Variants in CNTNAP2 observed in about 807,000 individuals in gnomAD.
CNTNAP2 encodes contactin associated protein 2.
CNTNAP2 carries 98 observed loss-of-function variants against 155.2 expected under a neutral mutation model. The observed-to-expected ratio is 0.63, with a 90% CI of 0.54 to 0.75. The LOEUF (loss-of-function observed/expected upper bound fraction) is 0.75, where lower values mean the gene tolerates loss of function less well. Ranked by LOEUF, CNTNAP2 falls within the 30% of genes least tolerant of loss-of-function variation. The pLI is 0.00. For synonymous variants in CNTNAP2, 651 were observed against 631.2 expected, an observed-to-expected ratio of 1.03 and a Z score of -0.47; for missense variants, 1,727 against 1,688.1, an observed-to-expected ratio of 1.02 and a Z score of -0.40.
intron 20 of CNTNAP2, among the ~76,000 whole-genome samples, chr7:148,235,326 C>T (rs1255658889): frequency 2.6e-5 from 4 of 152,138 alleles, no homozygotes; most frequent in Non-Finnish European, 4.4e-5. Flanking sequence ...GTGCTAGGTG[C>T]TAGAAGTAGA....
chr7:146,143,481 A>G (rs1797910225), intron 1 of CNTNAP2, among the ~76,000 whole-genome samples: 1 of 152,108 alleles, frequency 6.6e-6, no homozygotes, highest in African/African-American at 2.4e-5. Context: ...AATTATGTCC[A>G]GTCTTCTGAT....
At chr7:147,670,371 A>G (rs1227359840) in intron 13 of CNTNAP2, among the ~76,000 whole-genome samples, 1 of 152,172 alleles carries the variant, frequency 6.6e-6, no homozygotes, top group Non-Finnish European at 1.5e-5. Context: ...TAGGCAGAAA[A>G]GGGTGGATCC....
chr7:147,297,090 T>A (rs1794834846), intron 8 of CNTNAP2, among the ~76,000 whole-genome samples: 1 of 152,148 alleles, frequency 6.6e-6, no homozygotes, highest in Admixed American at 6.6e-5. Context: ...ACAAAAAAAA[T>A]TATATCCACT....
chr7:146,810,299 C>CTTTT (rs58947235), intron 2 of CNTNAP2, among the ~76,000 whole-genome samples: 2 of 93,540 alleles, frequency 2.1e-5, no homozygotes, highest in Non-Finnish European at 5.3e-5. Flanking sequence ...CTCTAGCTTT[C>CTTTT]TTTTTTTTTT....
At chr7:147,254,928 T>C (rs1563135173) in intron 8 of CNTNAP2, among the ~76,000 whole-genome samples, 3 of 152,220 alleles carry the variant, frequency 2.0e-5, no homozygotes, top group Non-Finnish European at 4.4e-5. Flanking sequence ...AGAAATACAA[T>C]TATCTTGCTC....
chr7:147,044,086 G>C (rs767576057), intron 4 of CNTNAP2, 32 bp downstream of exon 4: 4 of 1,612,824 alleles, frequency 2.5e-6, no homozygotes, highest in Non-Finnish European at 2.5e-6. Flanking sequence ...TTTGTGGCAG[G>C]TTTTATCTTT....
At chr7:146,592,595 T>A (rs1196199082) in intron 1 of CNTNAP2, among the ~76,000 whole-genome samples, 2 of 152,192 alleles carry the variant, frequency 1.3e-5, no homozygotes, top group African/African-American at 2.4e-5. Context: ...TCCTACTTTC[T>A]GATAAAGAAA....
chr7:146,886,275 T>TAAAA (rs776073033), intron 3 of CNTNAP2, among the ~76,000 whole-genome samples: 1 of 142,178 alleles, frequency 7.0e-6, no homozygotes, highest in East Asian at 2.0e-4. Flanking sequence ...TCAGTTTTCT[T>TAAAA]AAAAAAAAAA....
chr7:148,140,973 C>T (rs1805054256), intron 16 of CNTNAP2, among the ~76,000 whole-genome samples: 1 of 152,208 alleles, frequency 6.6e-6, no homozygotes, highest in South Asian at 2.1e-4. Context: ...CTAGGACTTA[C>T]TACTAGAAGG....
At chr7:147,280,136 A>G (rs1273167305) in intron 8 of CNTNAP2, among the ~76,000 whole-genome samples, 2 of 151,922 alleles carry the variant, frequency 1.3e-5, no homozygotes, top group African/African-American at 4.8e-5. Context: ...GAGCCAAGAC[A>G]TTACCAGAGT....
At chr7:147,921,011 A>T (rs557235608) in intron 14 of CNTNAP2, among the ~76,000 whole-genome samples, 2 of 151,488 alleles carry the variant, frequency 1.3e-5, no homozygotes, top group African/African-American at 4.9e-5. Flanking sequence ...GGGTTTCACC[A>T]TGTTAGCCAG....
At chr7:148,120,472 G>T (rs148950037) in intron 16 of CNTNAP2, among the ~76,000 whole-genome samples, 1 of 151,740 alleles carries the variant, frequency 6.6e-6, no homozygotes, top group East Asian at 1.9e-4. Flanking sequence ...TCGCCATGTC[G>T]GCCAGGCTGG....
chr7:146,380,297 A>C (rs543865745), intron 1 of CNTNAP2, among the ~76,000 whole-genome samples: 1 of 152,332 alleles, frequency 6.6e-6, no homozygotes, highest in African/African-American at 2.4e-5. Context: ...TTATTTGAGT[A>C]TTTTGAAATA....
At chr7:147,405,537 C>T (rs1006491936) in intron 10 of CNTNAP2, among the ~76,000 whole-genome samples, 1 of 152,104 alleles carries the variant, frequency 6.6e-6, no homozygotes. Flanking sequence ...CTATATGCTC[C>T]CTAACATGCT....
At position 148,026,169 on chromosome 7, in the gene CNTNAP2, C is replaced by T. The variant is rs114885214; in HGVS notation, c.2383+48180C>T. ...AAAAGTGTACTTTAAAAAATACTAG[C>T]CAGGTGTGGCGGCTCACACCTGTAA... On this transcript the variant is annotated intron_variant, in intron 15 of 23. Coordinates refer to ENST00000361727, the MANE Select transcript of CNTNAP2 (RefSeq NM_014141.6). Among the ~76,000 whole-genome samples the T allele has an allele frequency of 2.7e-3, 417 of 152,260 alleles. 4 individuals are homozygous for T. The highest frequency in any genetic ancestry group is 9.6e-3 in the African/African-American group (398 of 41,542).
chr7:147,368,800 A>T (rs934105040), intron 9 of CNTNAP2, among the ~76,000 whole-genome samples: 1 of 152,232 alleles, frequency 6.6e-6, no homozygotes, highest in African/African-American at 2.4e-5. Context: ...CACCCAGCTA[A>T]AACAGAGTTG....
intron 21 of CNTNAP2, among the ~76,000 whole-genome samples, chr7:148,310,196 T>C (rs2116515788): frequency 6.6e-6 from 1 of 152,336 alleles, no homozygotes; most frequent in African/African-American, 2.4e-5. Flanking sequence ...CCAAGGGGGT[T>C]CAGCATAATT....
chr7:147,416,036 C>A (rs1335727450), intron 10 of CNTNAP2, among the ~76,000 whole-genome samples: 1 of 152,236 alleles, frequency 6.6e-6, no homozygotes, highest in African/African-American at 2.4e-5. Flanking sequence ...CCCAAACCAA[C>A]TGAATTTCTC....
intron 13 of CNTNAP2, among the ~76,000 whole-genome samples, chr7:147,877,132 GA>G (rs991346727): frequency 4.6e-5 from 7 of 151,240 alleles, no homozygotes; most frequent in African/African-American, 1.7e-4. Context: ...CAGACACAAC[GA>G]AGGCTTTTTT....
Sources: gnomAD v4.1 joint callset for allele counts (sites outside exome capture counted in the v4.1 genomes callset) on GRCh38, gnomAD v4.1.1 for gene constraint, MANE v1.5 for transcripts, NCBI Gene and HGNC (gene_info 2026-07-23, HGNC 2026-07-21) for gene names.